Variants in NEBL observed in about 807,000 individuals in gnomAD.
The protein encoded by NEBL is nebulette.
NEBL carries 122 observed loss-of-function variants against 140.2 expected under a neutral mutation model. The ratio of observed to expected loss-of-function variants is 0.87; its 90% CI spans 0.75 to 1.01. NEBL has a LOEUF of 1.01. Among genes scored for constraint, NEBL ranks in the 50% least tolerant of loss-of-function variants. The pLI, the probability that NEBL is intolerant of heterozygous loss-of-function variation, is 0.00. For synonymous variants in NEBL, 436 were observed against 398.9 expected (o/e 1.09, Z -1.11); for missense variants, 1,365 against 1,231.3 (o/e 1.11, Z -1.62).
chr10:21,228,183 TCA>T (rs1013692838), intron 3 of NEBL, among the ~76,000 whole-genome samples: 15 of 152,046 alleles, frequency 9.9e-5, no homozygotes, highest in Non-Finnish European at 1.9e-4. Flanking sequence ...AAACAGGATC[TCA>T]CTGTGTCACC....
At chr10:21,202,757 G>A (rs1391855259) in intron 3 of NEBL, among the ~76,000 whole-genome samples, 2 of 152,014 alleles carry the variant, frequency 1.3e-5, no homozygotes, top group South Asian at 2.1e-4. Flanking sequence ...CACCACGCCC[G>A]GCCTTCCACC....
At chr10:20,872,826 C>G (rs984366769) in intron 5 of NEBL, among the ~76,000 whole-genome samples, 1 of 152,170 alleles carries the variant, frequency 6.6e-6, no homozygotes, top group African/African-American at 2.4e-5. Flanking sequence ...CAACATCAGG[C>G]CGGTACCCTA....
intron 25 of NEBL, 42 bp downstream of exon 25, chr10:20,809,764 A>G (rs777702807): frequency 2.8e-6 from 4 of 1,439,280 alleles, no homozygotes; most frequent in Non-Finnish European, 3.9e-6. Context: ...CACTTTTGGG[A>G]CAAAACCACA....
chr10:20,923,034 T>C (rs1744145397), intron 4 of NEBL, among the ~76,000 whole-genome samples: 1 of 152,276 alleles, frequency 6.6e-6, no homozygotes, highest in Non-Finnish European at 1.5e-5. Flanking sequence ...TTCACAGAAA[T>C]ACAATCTCTC....
chr10:20,796,380 A>AG (rs1836536998), intron 26 of NEBL, among the ~76,000 whole-genome samples: 1 of 150,874 alleles, frequency 6.6e-6, no homozygotes, highest in Non-Finnish European at 1.5e-5. Context: ...AAAAAAAAAA[A>AG]AAAAAAAAAA....
At chr10:21,069,833 T>C in intron 2 of NEBL, 1 of 363,856 alleles carries the variant, frequency 2.7e-6, no homozygotes, top group Non-Finnish European at 5.5e-6. Flanking sequence ...CTGTATCTAA[T>C]TATATTAATC....
intron 4 of NEBL, among the ~76,000 whole-genome samples, chr10:20,943,092 T>A (rs971129499): frequency 4.6e-5 from 7 of 152,222 alleles, no homozygotes; most frequent in African/African-American, 1.7e-4. Context: ...TTACTGGGTA[T>A]ATACCCAAAG....
intron 2 of NEBL, among the ~76,000 whole-genome samples, chr10:21,123,541 C>A (rs993011477): frequency 6.6e-6 from 1 of 152,078 alleles, no homozygotes; most frequent in Admixed American, 6.6e-5. Flanking sequence ...TAAATCCCCA[C>A]CACTTAGTCC....
chr10:21,065,943 G>A (rs984055961), intron 2 of NEBL, among the ~76,000 whole-genome samples: 8 of 152,190 alleles, frequency 5.3e-5, no homozygotes, highest in Non-Finnish European at 1.2e-4. Context: ...ACCACCAGCA[G>A]CTGCACACCT....
At chr10:21,169,061 AAAAAAAATATAT>A (rs1209887054) in intron 2 of NEBL, among the ~76,000 whole-genome samples, 105 of 41,710 alleles carry the variant, frequency 2.5e-3, no homozygotes, top group African/African-American at 7.0e-3. Flanking sequence ...AAAAAAAAAA[AAAAAAAATATAT>A]ATATATATAT....
At chr10:21,041,483 AAGG>A (rs1834264916) in intron 2 of NEBL, among the ~76,000 whole-genome samples, 1 of 152,172 alleles carries the variant, frequency 6.6e-6, no homozygotes, top group Admixed American at 6.5e-5. Context: ...CGAGAAGAAA[AAGG>A]AGAGTTTTGA....
intron 5 of NEBL, among the ~76,000 whole-genome samples, chr10:20,873,425 T>C (rs1412187276): frequency 6.6e-6 from 1 of 152,052 alleles, no homozygotes; most frequent in Non-Finnish European, 1.5e-5. Flanking sequence ...TAATGTCTTG[T>C]TCCCTACTCT....
chr10:21,093,150 C>CTTTTTTTTCTTTTTTTTTTTTTTT (rs780514379), intron 2 of NEBL, among the ~76,000 whole-genome samples: 1 of 95,038 alleles, frequency 1.1e-5, no homozygotes, highest in African/African-American at 4.3e-5. Context: ...AGCAACAAGT[C>CTTTTTTTTCTTTTTTTTTTTTTTT]TTTTTTTTTT....
chr10:21,026,294 G>A (rs568722719), intron 2 of NEBL, among the ~76,000 whole-genome samples: 3 of 150,734 alleles, frequency 2.0e-5, no homozygotes, highest in Non-Finnish European at 4.4e-5. Flanking sequence ...CTCGTGGTCA[G>A]GAGGCCAGAA....
chr10:20,899,070 G>C (rs1306724145), upstream of NEBL, among the ~76,000 whole-genome samples: 1 of 152,174 alleles, frequency 6.6e-6, no homozygotes, highest in East Asian at 1.9e-4. Flanking sequence ...CTGGCCCAGT[G>C]TAGTGGATTC....
intron 1 of NEBL, among the ~76,000 whole-genome samples, chr10:21,259,666 G>A (rs7085330): frequency 0.22 from 33,740 of 151,990 alleles, 4,676 homozygotes; most frequent in African/African-American, 0.39. Flanking sequence ...TGTGTTTGGG[G>A]TGGATTGGCC....
At chr10:20,906,227 C>G (rs771924239) in intron 4 of NEBL, among the ~76,000 whole-genome samples, 9 of 152,074 alleles carry the variant, frequency 5.9e-5, no homozygotes, top group Non-Finnish European at 8.8e-5. Flanking sequence ...TTAAAATGCA[C>G]CTCTTTTTTC....
At chr10:20,934,626 G>A (rs982897995) in intron 4 of NEBL, among the ~76,000 whole-genome samples, 2 of 152,122 alleles carry the variant, frequency 1.3e-5, no homozygotes, top group Non-Finnish European at 2.9e-5. Flanking sequence ...GGCCCCACTG[G>A]ATACGAGAGG....
At chr10:21,158,509 G>A (rs1840423377) in intron 2 of NEBL, among the ~76,000 whole-genome samples, 1 of 152,178 alleles carries the variant, frequency 6.6e-6, no homozygotes, top group African/African-American at 2.4e-5. Context: ...TTTTGTAGGT[G>A]AGGAAACCGA....
Sources: allele counts gnomAD v4.1 joint callset (sites outside exome capture counted in the v4.1 genomes callset), GRCh38; gene constraint gnomAD v4.1.1; transcripts MANE v1.5; gene names NCBI Gene and HGNC (gene_info 2026-07-23, HGNC 2026-07-21).